The following HEPACAM variants were observed in gnomAD, a reference collection of about 807,000 sequenced individuals.
HEPACAM encodes the protein hepatic and glial cell adhesion molecule.
Under a neutral mutation model 38.3 loss-of-function variants are expected in HEPACAM, and 18 were observed. That is an observed-to-expected ratio of 0.47 (90% CI 0.33 to 0.70). HEPACAM has a LOEUF of 0.70. HEPACAM is among the 30% of genes least tolerant of loss of function. The probability of loss-of-function intolerance (pLI) is 0.03; values close to 1 mark genes in which losing one functional copy is unlikely to be tolerated. For synonymous variants in HEPACAM, 216 were observed against 243.1 expected, an observed-to-expected ratio of 0.89 and a Z score of 1.04; for missense variants, 466 against 563.0, an observed-to-expected ratio of 0.83 and a Z score of 1.74.
rs770133218 is a variant in HEPACAM, at chr11:124,923,758, C to A, written c.680G>T (p.Arg227Leu). Reference protein sequence around the residue: ...CMVENPISQGRSLPVKITVYR... With the variant: ...CMVENPISQGLSLPVKITVYR... ...TACGGTGATCTTGACAGGCAGGCTG[C>A]GGCCCTGGCTGATGGGGTTCTCCAC... The change falls in exon 3 of 7, where the codon CGC becomes CTC. Residue 227 changes from arginine to leucine, a missense_variant. By Grantham distance (102) the Arg-to-Leu change is moderately radical. Coordinates refer to ENST00000298251, the MANE Select transcript of HEPACAM (RefSeq NM_152722.5). 1.2e-6 allele frequency: 2 copies of A among 1,614,176 alleles called. No homozygotes were observed. The highest frequency in any genetic ancestry group is 1.3e-5 in the African/African-American group (1 of 75,046).
rs1187132048 is a variant in HEPACAM at position 124,922,464 on chromosome 11, CAG to C, written c.878-8_878-7del. The C allele has an allele frequency of 6.8e-6, 11 of 1,613,996 alleles. No homozygotes were observed. The highest frequency in any genetic ancestry group is 9.3e-6 in the Non-Finnish European group (11 of 1,179,984). Reference sequence around the variant, plus strand: ...ACTTCGAGGGAGGGTGTCTGCTGCACAGGGGAGAGAAGCGGGTGGCTGGCCCA... The same window carrying C: ...ACTTCGAGGGAGGGTGTCTGCTGCACGGGAGAGAAGCGGGTGGCTGGCCCA... On this transcript the variant is annotated splice_polypyrimidine_tract_variant and splice_region_variant and intron_variant, in intron 5 of 6. Transcript: ENST00000298251.
Position 124,924,529 on chromosome 11 carries a change from A to G in HEPACAM, c.427+199T>C, listed in dbSNP as rs906682138. ...AGTCAACATATGCAAAGCACTTAGA[A>G]TAGTTTCTGGCACATGGCAATCACT... is the stretch of plus-strand genomic sequence containing the variant. On this transcript the variant is annotated intron_variant, in intron 2 of 6. Transcript: ENST00000298251. The surrounding 1 kb of genome is among the most constrained non-coding windows in gnomAD (Gnocchi z 4.4). 4.5e-6 allele frequency: 3 copies of G among 662,992 alleles called. No individual in the cohort carries two copies. The South Asian group carries it at 5.1e-5, about 11-fold the overall frequency. The allele number at this position is 662,992 out of a possible 1,614,324, so 41.1% of individuals were successfully genotyped here.
In HEPACAM at chr11:124,920,677, G is replaced by GAA. The variant is rs1565336612; in HGVS notation, c.*460_*461insTT. 221 of 108,084 alleles carry GAA rather than the reference G, an allele frequency of 2.0e-3. 2 individuals are homozygous for GAA. Among genetic ancestry groups the GAA allele is most frequent in the African/African-American group, 2.2e-3 (13 of 6,028 alleles). 6.7% of individuals were successfully genotyped at this position (108,084 alleles called of 1,614,324 possible). On this transcript the variant is annotated 3_prime_UTR_variant, in exon 7 of 7. Coordinates refer to ENST00000298251, the MANE Select transcript of HEPACAM (RefSeq NM_152722.5). ...AAAGTGGCCTCTCTAATCTGAACTTGCAAAAAAAAAAAAAAAAAAAAAAAA... is the reference window on the plus strand; with the variant it reads ...AAAGTGGCCTCTCTAATCTGAACTTGAACAAAAAAAAAAAAAAAAAAAAAAAA...
Position 124,922,427 on chromosome 11 carries a change from T to C in HEPACAM, c.909A>G (p.Glu303=), listed in dbSNP as rs755146552. The change falls in exon 6 of 7, where the codon GAA becomes GAG. Residue 303 remains glutamate (E), a synonymous_variant. Transcript: ENST00000298251. ...TATAGAGTGCCATGGGGTTCTTCCGTTCCTGCTCACCACTTCGAGGGAGGG... is the reference window on the plus strand; with the variant it reads ...TATAGAGTGCCATGGGGTTCTTCCGCTCCTGCTCACCACTTCGAGGGAGGG... ...ADTLPRSGEQ[E]RKNPMALYIL... 6.2e-7 allele frequency: 1 copy of C among 1,614,188 alleles called. No homozygotes were observed. The highest frequency in any genetic ancestry group is 2.2e-5 in the East Asian group (1 of 44,882).
intron 1 of HEPACAM, among the ~76,000 whole-genome samples, chr11:124,933,258 A>C (rs1329600557): frequency 2.6e-5 from 4 of 151,716 alleles, no homozygotes; most frequent in Non-Finnish European, 2.9e-5. Flanking sequence ...TGCAGCCTTG[A>C]CCTCCCTGGT....
intron 1 of HEPACAM, among the ~76,000 whole-genome samples, chr11:124,930,307 T>C (rs894045245): frequency 4.6e-5 from 7 of 152,200 alleles, no homozygotes; most frequent in Non-Finnish European, 8.8e-5. Context: ...GTGCATCACT[T>C]ATTGTGTGGA....
At chr11:124,926,891 C>T (rs536842821) in intron 1 of HEPACAM, among the ~76,000 whole-genome samples, 91 of 151,768 alleles carry the variant, frequency 6.0e-4, no homozygotes, top group African/African-American at 1.8e-3. Flanking sequence ...TTTTTTGAGA[C>T]GGAGTCTTGT....
intron 1 of HEPACAM, among the ~76,000 whole-genome samples, chr11:124,934,373 A>G (rs906571053): frequency 3.3e-5 from 5 of 151,796 alleles, no homozygotes; most frequent in African/African-American, 4.8e-5. Flanking sequence ...CATACGTTGG[A>G]GTCCTAACCC....
At position 124,920,442 on chromosome 11, in the gene HEPACAM, C is replaced by T. The variant is rs954364993; in HGVS notation, c.*696G>A. The stretch of plus-strand genomic sequence containing the variant: ...AGGCTGTGGGAGGAGGCCAAGCTGG[C>T]AGGCTCGGGTTCTTTGCCCTTGCTA... On this transcript the variant is annotated 3_prime_UTR_variant, in exon 7 of 7. Coordinates refer to ENST00000298251, the MANE Select transcript of HEPACAM (RefSeq NM_152722.5). 5 of 1,546,528 alleles carry T rather than the reference C, an allele frequency of 3.2e-6. No homozygotes were observed. Among genetic ancestry groups the T allele is most frequent in the Non-Finnish European group, 4.4e-6 (5 of 1,145,130 alleles).
Position 124,922,725 on chromosome 11 carries a change from T to G in HEPACAM, c.877+20A>C. 6.2e-7 allele frequency: 1 copy of G among 1,614,182 alleles called. No homozygotes were observed. Among genetic ancestry groups the G allele is most frequent in the Non-Finnish European group, 8.5e-7 (1 of 1,179,992 alleles). The stretch of plus-strand genomic sequence containing the variant: ...ATCTGATTGTTGATGGGATGGGTGA[T>G]TGGGTGGCTGGGAGCTCACCTTCTG... On this transcript the variant is annotated intron_variant, in intron 5 of 6. Coordinates refer to ENST00000298251, the MANE Select transcript of HEPACAM (RefSeq NM_152722.5).
rs1008819052 is a variant in HEPACAM at position 124,920,296 on chromosome 11, G to C, written c.*842C>G. ...GATGAGCTAAAACAGTTCCTCATTT[G>C]GTCTAGTTTTCGGGCCAGGGGAGTA... On this transcript the variant is annotated 3_prime_UTR_variant, in exon 7 of 7. Transcript: ENST00000298251. The C allele has an allele frequency of 1.9e-5, 22 of 1,155,060 alleles. No individual in the cohort carries two copies. The highest frequency in any genetic ancestry group is 3.9e-4 in the Middle Eastern group (2 of 5,074). The allele number at this position is 1,155,060 out of a possible 1,614,324, so 71.6% of individuals were successfully genotyped here. A position where few individuals can be genotyped will look rare whatever the true frequency, so the allele number is the denominator to read the frequency against.
intron 1 of HEPACAM, among the ~76,000 whole-genome samples, chr11:124,931,742 T>C (rs1947283340): frequency 6.6e-6 from 1 of 152,212 alleles, no homozygotes; most frequent in Admixed American, 6.5e-5. Flanking sequence ...AATGCCCATA[T>C]CTGTTCTCCA....
Position 124,919,703 on chromosome 11 carries a change from T to G in HEPACAM, c.*1435A>C. 1 of 1,599,058 alleles carries G rather than the reference T, an allele frequency of 6.3e-7. No homozygotes were observed. The highest frequency in any genetic ancestry group is 8.5e-7 in the Non-Finnish European group (1 of 1,172,486). On this transcript the variant is annotated 3_prime_UTR_variant, in exon 7 of 7. Transcript: ENST00000298251. ...CAGGGCAGAGGGGGCAAACTAGAAA[T>G]GTCAGTGCCTTTGGGGCTGAGACAA...
chr11:124,931,634 C>T (rs778805485), intron 1 of HEPACAM, among the ~76,000 whole-genome samples: 1 of 152,186 alleles, frequency 6.6e-6, no homozygotes, highest in Non-Finnish European at 1.5e-5. Context: ...TAAACTGATA[C>T]ATTCATTTTT....
intron 1 of HEPACAM, among the ~76,000 whole-genome samples, chr11:124,928,152 A>T (rs1947240993): frequency 6.6e-6 from 1 of 152,184 alleles, no homozygotes; most frequent in South Asian, 2.1e-4. Flanking sequence ...GATGAGTCCT[A>T]TCCCCCCTCA....
At position 124,919,902 on chromosome 11, in the gene HEPACAM, C is replaced by T. The variant is rs1219801155; in HGVS notation, c.*1236G>A. On this transcript the variant is annotated 3_prime_UTR_variant, in exon 7 of 7. Transcript: ENST00000298251. Reference sequence around the variant, plus strand: ...TCCTTCTCTTTCAGCTTTTTAATTGCCCTCTCTCCTCACACAGTAGATTAC... The same window carrying T: ...TCCTTCTCTTTCAGCTTTTTAATTGTCCTCTCTCCTCACACAGTAGATTAC... 1 of 1,614,010 alleles carries T rather than the reference C, an allele frequency of 6.2e-7. No individual in the cohort carries two copies. Among genetic ancestry groups the T allele is most frequent in the Non-Finnish European group, 8.5e-7 (1 of 1,180,018 alleles).
chr11:124,926,095 G>A (rs1275262514), intron 1 of HEPACAM, among the ~76,000 whole-genome samples: 3 of 152,258 alleles, frequency 2.0e-5, no homozygotes, highest in South Asian at 2.1e-4. Flanking sequence ...CCAGCTACTC[G>A]GGAGGCTGAG....
chr11:124,927,014 G>A (rs896056198), intron 1 of HEPACAM, among the ~76,000 whole-genome samples: 3 of 151,930 alleles, frequency 2.0e-5, no homozygotes, highest in African/African-American at 2.4e-5. Context: ...GATTACAGGC[G>A]CCCGCCACCA....
Position 124,920,211 on chromosome 11 carries a change from A to G in HEPACAM, c.*927T>C. 2 of 867,812 alleles carry G rather than the reference A, an allele frequency of 2.3e-6. No individual in the cohort carries two copies. Among genetic ancestry groups the G allele is most frequent in the Non-Finnish European group, 3.5e-6 (2 of 566,324 alleles). The allele number at this position is 867,812 out of a possible 1,614,324, so 53.8% of individuals were successfully genotyped here. On this transcript the variant is annotated 3_prime_UTR_variant, in exon 7 of 7. Transcript: ENST00000298251. ...TGGAGGAAGCTCAACAACTTTCCTG[A>G]GGACAATGATTGTTTGAAAGGCTTG...
Sources: gnomAD v4.1 joint callset for allele counts (sites outside exome capture counted in the v4.1 genomes callset) on GRCh38, gnomAD v4.1.1 for gene constraint, Gnocchi (gnomAD v3.1) non-coding constraint, MANE v1.5 for transcripts, NCBI Gene and HGNC (gene_info 2026-07-23, HGNC 2026-07-21) for gene names.